ADAMTSL2: variants seen among roughly 807,000 people sequenced by gnomAD.
ADAMTSL2 encodes the protein ADAMTS-like protein 2.
ADAMTSL2 carries 55 observed loss-of-function variants against 117.0 expected under a neutral mutation model. The ratio of observed to expected loss-of-function variants is 0.47; its 90% CI spans 0.38 to 0.59. ADAMTSL2 has a LOEUF of 0.59. ADAMTSL2 is among the 20% of genes least tolerant of loss of function. The pLI, the probability that ADAMTSL2 is intolerant of heterozygous loss-of-function variation, is 0.00. For missense variants in ADAMTSL2, 1,182 were observed against 1,354.5 expected (o/e 0.87, Z 2.00); for synonymous variants, 572 against 566.4 (o/e 1.01, Z -0.14).
At position 133,536,632 on chromosome 9, in the gene ADAMTSL2, G is replaced by A; in HGVS notation, c.-81G>A. On this transcript the variant is annotated 5_prime_UTR_variant, in exon 2 of 19. Transcript: ENST00000651351. ...GGCCTGGGCACTGGCTGGGCCCCGA[G>A]GGCTCTTCCCAAAGCGTACCCTGGT... The A allele has an allele frequency of 1.9e-6, 3 of 1,613,816 alleles. No individual in the cohort carries two copies. Among genetic ancestry groups the A allele is most frequent in the African/African-American group, 1.3e-5 (1 of 75,070 alleles).
At chr9:133,553,381 G>T (rs1169848029) in intron 9 of ADAMTSL2, among the ~76,000 whole-genome samples, 2 of 152,118 alleles carry the variant, frequency 1.3e-5, no homozygotes, top group Non-Finnish European at 2.9e-5. Flanking sequence ...GGACACGAGG[G>T]TGTCTTTCTC....
At chr9:133,568,568 C>T in intron 14 of ADAMTSL2, 35 bp from the exon 15 acceptor site, 1 of 1,554,728 alleles carries the variant, frequency 6.4e-7, no homozygotes, top group African/African-American at 1.4e-5. Context: ...ACACCTGTGT[C>T]ACACCCCCCC....
At position 133,547,240 on chromosome 9, in the gene ADAMTSL2, C is replaced by A. The variant is rs550989356; in HGVS notation, c.939+27C>A. 11 of 1,603,650 alleles carry A rather than the reference C, an allele frequency of 6.9e-6. No individual in the cohort carries two copies. In the South Asian group the frequency reaches 1.2e-4, roughly 18 times the overall value. On this transcript the variant is annotated intron_variant, in intron 9 of 18. Coordinates refer to ENST00000651351, the MANE Select transcript of ADAMTSL2 (RefSeq NM_014694.4). ...TACGTGTGCCGCAGGCCTTGGGGGC[C>A]CCAGGGGCCCTGGGCACTGTTTCCC...
At position 133,545,035 on chromosome 9, in the gene ADAMTSL2, G is replaced by A. The variant is rs141601847; in HGVS notation, c.763+485G>A. Among the ~76,000 whole-genome samples, 3 of 152,298 alleles carry A rather than the reference G, an allele frequency of 2.0e-5. No individual in the cohort carries two copies. The East Asian group carries it at 5.8e-4, about 29-fold the overall frequency. ...CCGCTGGGAGGCTGGGCTGTAGGAG[G>A]GGAGTCCTCTAACCTGAGTATTCTG... On this transcript the variant is annotated intron_variant, in intron 8 of 18. Transcript: ENST00000651351.
chr9:133,541,140 G>A (rs1032196206), intron 7 of ADAMTSL2, 139 bp downstream of exon 7: 1 of 1,329,578 alleles, frequency 7.5e-7, no homozygotes, highest in Admixed American at 2.0e-5. Flanking sequence ...AGCATCCCAG[G>A]CCGGGTGAGC....
chr9:133,566,992 A>G lies in ADAMTSL2; in HGVS notation c.1804A>G (p.Ser602Gly). 1 of 1,611,654 alleles carries G rather than the reference A, an allele frequency of 6.2e-7. No homozygotes were observed. The highest frequency in any genetic ancestry group is 1.1e-5 in the South Asian group (1 of 90,502). ...CTATGATGGCGTCGAGGTGGATGACAGCTACTGTGACGCCCTGACCCGTCC... is the reference window on the plus strand; with the variant it reads ...CTATGATGGCGTCGAGGTGGATGACGGCTACTGTGACGCCCTGACCCGTCC... ...VRYDGVEVDD[S>G]YCDALTRPEP... Residue 602 changes from serine to glycine, a missense_variant, in exon 13 of 19, where the codon AGC (serine) becomes GGC (glycine). Physicochemically the swap from Ser to Gly is moderately conservative, Grantham distance 56. Transcript: ENST00000651351.
In ADAMTSL2 at chr9:133,554,639, G is replaced by C. The variant is rs757873971; in HGVS notation, c.1222G>C (p.Glu408Gln). 2.0e-6 allele frequency: 3 copies of C among 1,538,432 alleles called. No individual in the cohort carries two copies. The highest frequency in any genetic ancestry group is 2.4e-5 in the East Asian group (1 of 41,338). Reference protein sequence around the residue: ...SQGQETNEVCEQAGGGACEGP... With the variant: ...SQGQETNEVCQQAGGGACEGP... The stretch of plus-strand genomic sequence containing the variant: ...GGGCCAGGAGACCAACGAGGTGTGC[G>C]AGCAGGCCGGCGGCGGGGCCTGCGA... The change falls in exon 10 of 19, where the codon GAG becomes CAG. Residue 408 changes from glutamate to glutamine, a missense_variant. By Grantham distance (29) the Glu-to-Gln change is conservative (BLOSUM62 2). Coordinates refer to ENST00000651351, the MANE Select transcript of ADAMTSL2 (RefSeq NM_014694.4). This position sits in a 1 kb window ranked among gnomAD's most constrained non-coding sequence, Gnocchi z 5.2.
At chr9:133,546,995 C>G in intron 8 of ADAMTSL2, 43 bp from the exon 9 acceptor site, 1 of 1,601,440 alleles carries the variant, frequency 6.2e-7, no homozygotes, top group Non-Finnish European at 8.6e-7. Flanking sequence ...GCTCCTCCCC[C>G]AGCCAGTTTG....
chr9:133,568,236 G>C (rs1316701520), intron 13 of ADAMTSL2, 37 bp from the exon 14 acceptor site: 18 of 1,537,050 alleles, frequency 1.2e-5, no homozygotes, highest in Admixed American at 1.9e-5. Flanking sequence ...CGGCTGCCAT[G>C]GGGGGGATCA....
chr9:133,542,208 T>G (rs113565880), intron 7 of ADAMTSL2, among the ~76,000 whole-genome samples: 2,768 of 152,296 alleles, frequency 0.018, 41 homozygotes, highest in Non-Finnish European at 0.032. Context: ...AGGGTGGGGC[T>G]TGGACATGGG....
chr9:133,540,326 C>G (rs1830185550), intron 5 of ADAMTSL2, among the ~76,000 whole-genome samples: 1 of 152,208 alleles, frequency 6.6e-6, no homozygotes, highest in Admixed American at 6.5e-5. Context: ...CGAGTTGGCT[C>G]AGACCTCCTG....
chr9:133,533,199 T>G (rs1399430625), upstream of ADAMTSL2, among the ~76,000 whole-genome samples: 1 of 136,950 alleles, frequency 7.3e-6, no homozygotes, highest in Non-Finnish European at 1.6e-5. Flanking sequence ...GTGTGTGTGC[T>G]GGGTGACAGG....
chr9:133,567,733 T>C (rs1831007430), intron 13 of ADAMTSL2, among the ~76,000 whole-genome samples: 1 of 152,246 alleles, frequency 6.6e-6, no homozygotes, highest in African/African-American at 2.4e-5. Flanking sequence ...CCCAGAATGC[T>C]GCTAAGGCTG....
chr9:133,556,708 G>T (rs1830611891), intron 11 of ADAMTSL2, among the ~76,000 whole-genome samples: 1 of 152,182 alleles, frequency 6.6e-6, no homozygotes, highest in African/African-American at 2.4e-5. Flanking sequence ...CACAGCCAGG[G>T]TTGTCTGGAC....
chr9:133,564,114 AAGG>A (rs1376621696), intron 12 of ADAMTSL2, among the ~76,000 whole-genome samples: 1 of 6,330 alleles, frequency 1.6e-4, no homozygotes, highest in African/African-American at 8.8e-4. Context: ...GAGAGAGAAA[AAGG>A]GGGAGAGAGA....
chr9:133,573,966 C>T lies in ADAMTSL2; in HGVS notation c.2716C>T (p.Pro906Ser). 1 of 1,613,670 alleles carries T rather than the reference C, an allele frequency of 6.2e-7. No homozygotes were observed. The highest frequency in any genetic ancestry group is 1.3e-5 in the African/African-American group (1 of 75,058). The part of the protein sequence containing the change: ...PVGRQACDLQ[P>S]CPTEPPDDSC... Reference sequence around the variant, plus strand: ...TGGCAGACAGGCCTGTGATCTGCAGCCCTGCCCCACGGAGCCCCCAGGTGA... The same window carrying T: ...TGGCAGACAGGCCTGTGATCTGCAGTCCTGCCCCACGGAGCCCCCAGGTGA... Residue 906 changes from proline to serine, a missense_variant, in exon 18 of 19, where the codon CCC becomes TCC. Physicochemically the swap from Pro to Ser is moderately conservative, Grantham distance 74. Coordinates refer to ENST00000651351, the MANE Select transcript of ADAMTSL2 (RefSeq NM_014694.4).
rs1447434535 is a variant in ADAMTSL2, at chr9:133,558,213, C to T, written c.1649+2283C>T. On this transcript the variant is annotated intron_variant, in intron 11 of 18. Coordinates refer to ENST00000651351, the MANE Select transcript of ADAMTSL2 (RefSeq NM_014694.4). The surrounding 1 kb of genome is among the most constrained non-coding windows in gnomAD (Gnocchi z 4.3). ...AGAAAGGCCCTGACTGCTGAGATGC[C>T]GCTGCTCCCCCGGCCGGCCTGCCAT... 3.9e-5 allele frequency among the ~76,000 whole-genome samples: 6 copies of T among 152,166 alleles called. No individual in the cohort carries two copies. The highest frequency in any genetic ancestry group is 4.1e-4 in the South Asian group (2 of 4,832).
In ADAMTSL2 at chr9:133,557,851, A is replaced by G. The variant is rs895796664; in HGVS notation, c.1649+1921A>G. Among the ~76,000 whole-genome samples, 2 of 152,294 alleles carry G rather than the reference A, an allele frequency of 1.3e-5. No individual in the cohort carries two copies. Among genetic ancestry groups the G allele is most frequent in the Non-Finnish European group, 2.9e-5 (2 of 68,016 alleles). ...GCCCTCCAAATAGAATAGGTTTATCAGAGTGGCACCGAGGCCTCGCTGTGG... is the reference window on the plus strand; with the variant it reads ...GCCCTCCAAATAGAATAGGTTTATCGGAGTGGCACCGAGGCCTCGCTGTGG... On this transcript the variant is annotated intron_variant, in intron 11 of 18. Coordinates refer to ENST00000651351, the MANE Select transcript of ADAMTSL2 (RefSeq NM_014694.4). This position sits in a 1 kb window ranked among gnomAD's most constrained non-coding sequence, Gnocchi z 5.2.
At position 133,536,683 on chromosome 9, in the gene ADAMTSL2, C is replaced by G; in HGVS notation, c.-30C>G. On this transcript the variant is annotated 5_prime_UTR_variant, in exon 2 of 19. Transcript: ENST00000651351. Reference sequence around the variant, plus strand: ...CATCTGGAAGAGGATCGGAGCTGGCCTGGTGGTGACAGTGGCCTTGCTTCC... The same window carrying G: ...CATCTGGAAGAGGATCGGAGCTGGCGTGGTGGTGACAGTGGCCTTGCTTCC... 1 of 1,614,190 alleles carries G rather than the reference C, an allele frequency of 6.2e-7. No individual in the cohort carries two copies. Among genetic ancestry groups the G allele is most frequent in the Admixed American group, 1.7e-5 (1 of 60,028 alleles).
Sources: gnomAD v4.1 joint callset for allele counts (sites outside exome capture counted in the v4.1 genomes callset) on GRCh38, gnomAD v4.1.1 for gene constraint, Gnocchi (gnomAD v3.1) non-coding constraint, MANE v1.5 for transcripts, NCBI Gene and HGNC (gene_info 2026-07-23, HGNC 2026-07-21) for gene names.